The following MAF variants were observed in gnomAD, a reference collection of about 807,000 sequenced individuals.
MAF encodes MAF bZIP transcription factor, also known as transcription factor Maf.
MAF carries 10 observed loss-of-function variants against 22.0 expected under a neutral mutation model. The observed-to-expected ratio is 0.45, with a 90% CI of 0.28 to 0.77. The LOEUF is 0.77. Ranked by LOEUF, MAF falls within the 30% of genes least tolerant of loss-of-function variation. The probability of loss-of-function intolerance (pLI) is 0.12; values close to 1 mark genes in which losing one functional copy is unlikely to be tolerated. For synonymous variants in MAF, 337 were observed against 255.8 expected, an observed-to-expected ratio of 1.32 and a Z score of -3.03; for missense variants, 544 against 548.4, an observed-to-expected ratio of 0.99 and a Z score of 0.08.
the MAF span, among the ~76,000 whole-genome samples, chr16:79,532,451 G>C: frequency 5.9e-5 from 9 of 152,320 alleles, no homozygotes; most frequent in South Asian, 2.1e-4. Context: ...ACATTTCAGT[G>C]CAGTTTATCT....
chr16:79,579,303 T>C, the MAF span, among the ~76,000 whole-genome samples: 4 of 152,356 alleles, frequency 2.6e-5, no homozygotes, highest in South Asian at 8.3e-4. Context: ...TGTACTTGGA[T>C]GTTAGAAAAA....
Position 79,594,528 on chromosome 16 carries a change from G to T in MAF, c.1144C>A (p.Pro382Thr), listed in dbSNP as rs1280877937. 6.4e-7 allele frequency: 1 copy of T among 1,564,378 alleles called. No homozygotes were observed. Among genetic ancestry groups the T allele is most frequent in the African/African-American group, 1.4e-5 (1 of 73,870 alleles). Residue 382 changes from proline to threonine, a missense_variant, in exon 2 of 2, where the codon CCA becomes ACA. Around this residue, in one of 5 missense-constraint regions of MAF, gnomAD observed 129 missense variants for 113.6 expected, o/e 1.14. Coordinates refer to ENST00000326043, the MANE Select transcript of MAF (RefSeq NM_005360.5). ...FITEPTRKLE[P>T]SVGYATFWKP... ...CAAAATGTGGCGTATCCCACTGATG[G>T]CTCCAACTTGCGAGTGGGCTCAGTT...
the MAF span, chr16:79,211,790 C>G: frequency 5.0e-5 from 80 of 1,613,980 alleles, no homozygotes; most frequent in Non-Finnish European, 6.0e-5. Context: ...GCAGCCAGTC[C>G]GGCTAAGTGG....
chr16:79,442,600 G>C, the MAF span, among the ~76,000 whole-genome samples: 1 of 152,134 alleles, frequency 6.6e-6, no homozygotes, highest in Non-Finnish European at 1.5e-5. Context: ...GACATACAGT[G>C]GTGCAGCACG....
the MAF span, among the ~76,000 whole-genome samples, chr16:79,389,559 G>C: frequency 1.3e-5 from 2 of 152,118 alleles, no homozygotes; most frequent in African/African-American, 4.8e-5. Flanking sequence ...ACCGCGTCCA[G>C]CTAAAGATTG....
In MAF at chr16:79,599,680, C is replaced by G. The variant is rs1403554683; in HGVS notation, c.223G>C (p.Ala75Pro). The G allele has an allele frequency of 6.2e-7, 1 of 1,612,224 alleles. No homozygotes were observed. The highest frequency in any genetic ancestry group is 1.7e-5 in the Admixed American group (1 of 59,954). Residue 75 changes from alanine (A) to proline (P), a missense_variant, in exon 1 of 2, where the codon GCG (alanine) becomes CCG (proline). Ala to Pro is a conservative substitution (Grantham distance 27). Transcript: ENST00000326043. Reference protein sequence around the residue: ...SSVPPSPSFSAPSPGSGSEQK... With the variant: ...SSVPPSPSFSPPSPGSGSEQK... The stretch of plus-strand genomic sequence containing the variant: ...TCGCTGCCCGAGCCCGGGCTGGGCG[C>G]CGAGAAGCTGGGGGAAGGGGGCACC...
At chr16:79,231,331 G>C in the MAF span, among the ~76,000 whole-genome samples, 2 of 152,026 alleles carry the variant, frequency 1.3e-5, no homozygotes, top group Non-Finnish European at 1.5e-5. Flanking sequence ...GGTAAAACTG[G>C]AAATGAGCTC....
At chr16:79,316,675 T>G in the MAF span, among the ~76,000 whole-genome samples, 1 of 152,164 alleles carries the variant, frequency 6.6e-6, no homozygotes, top group African/African-American at 2.4e-5. Flanking sequence ...ACAGAAATGT[T>G]ACTGGGGGAA....
At chr16:79,418,515 G>A in the MAF span, among the ~76,000 whole-genome samples, 1 of 152,114 alleles carries the variant, frequency 6.6e-6, no homozygotes, top group Non-Finnish European at 1.5e-5. Flanking sequence ...AACAAAGGGA[G>A]GCAGCCCCGT....
the MAF span, among the ~76,000 whole-genome samples, chr16:79,432,934 C>T: frequency 2.0e-5 from 3 of 152,124 alleles, no homozygotes; most frequent in East Asian, 5.8e-4. Context: ...CCTCCAAAAG[C>T]CTGAGACAAT....
At chr16:79,368,422 T>C in the MAF span, among the ~76,000 whole-genome samples, 1 of 152,122 alleles carries the variant, frequency 6.6e-6, no homozygotes, top group Non-Finnish European at 1.5e-5. Context: ...GGGTCTACGA[T>C]TGTGTATTTT....
the MAF span, among the ~76,000 whole-genome samples, chr16:79,518,667 A>G: frequency 6.6e-6 from 1 of 152,222 alleles, no homozygotes; most frequent in Non-Finnish European, 1.5e-5. Flanking sequence ...TAAAGTTAAT[A>G]TATGTAAAAC....
At chr16:79,255,284 C>T in the MAF span, among the ~76,000 whole-genome samples, 1 of 152,196 alleles carries the variant, frequency 6.6e-6, no homozygotes, top group African/African-American at 2.4e-5. Context: ...ATGGCTGGCT[C>T]GACCTGTCAT....
At chr16:79,384,861 T>C in the MAF span, among the ~76,000 whole-genome samples, 2 of 152,340 alleles carry the variant, frequency 1.3e-5, no homozygotes, top group East Asian at 3.9e-4. Flanking sequence ...GGTTGACCAG[T>C]TGTTCGTCAA....
the MAF span, among the ~76,000 whole-genome samples, chr16:79,280,536 A>T: frequency 6.6e-6 from 1 of 152,186 alleles, no homozygotes; most frequent in Non-Finnish European, 1.5e-5. Flanking sequence ...TCATTCTTCC[A>T]CCATGAGGGA....
the MAF span, among the ~76,000 whole-genome samples, chr16:79,390,857 GT>G: frequency 2.6e-5 from 4 of 152,200 alleles, no homozygotes; most frequent in African/African-American, 9.6e-5. Flanking sequence ...CTAGGAAAGG[GT>G]TTGCTCACAC....
chr16:79,347,580 A>G, the MAF span, among the ~76,000 whole-genome samples: 1 of 152,092 alleles, frequency 6.6e-6, no homozygotes, highest in Non-Finnish European at 1.5e-5. Flanking sequence ...CTTCGCATGC[A>G]CCGAGCGGGG....
intron 1 of MAF, chr16:79,595,633 T>G (rs907818075): frequency 2.3e-5 from 24 of 1,058,014 alleles, no homozygotes; most frequent in Admixed American, 5.4e-5. Flanking sequence ...GTTTTGAGTC[T>G]TTCCAAGGGA....
chr16:79,410,680 G>A, the MAF span, among the ~76,000 whole-genome samples: 2 of 152,346 alleles, frequency 1.3e-5, no homozygotes, highest in Admixed American at 6.5e-5. Flanking sequence ...AGAGTAGAGT[G>A]AATGCAGGAA....
Sources: gnomAD v4.1 joint callset for allele counts (sites outside exome capture counted in the v4.1 genomes callset) on GRCh38, gnomAD v4.1.1 for gene constraint, gnomAD v4.1.1 regional missense constraint, MANE v1.5 for transcripts, NCBI Gene and HGNC (gene_info 2026-07-23, HGNC 2026-07-21) for gene names.